The following FGF14 variants were observed in gnomAD, a reference collection of about 807,000 sequenced individuals.
FGF14 encodes the protein fibroblast growth factor 14, also known as fibroblast growth factor homologous factor 4.
A neutral mutation model predicts 25.5 loss-of-function variants in FGF14; 5 were observed. That is an observed-to-expected ratio of 0.20 (90% confidence interval 0.10 to 0.41). The LOEUF is 0.41. FGF14 is among the 10% of genes least tolerant of loss of function. The probability of loss-of-function intolerance (pLI) is 1.00; values close to 1 mark genes in which losing one functional copy is unlikely to be tolerated. For missense variants in FGF14, 222 were observed against 320.1 expected (o/e 0.69, Z 2.34); for synonymous variants, 138 against 118.3 (o/e 1.17, Z -1.08).
intron 1 of FGF14, among the ~76,000 whole-genome samples, chr13:102,187,658 T>C (rs1269284895): frequency 6.6e-6 from 1 of 152,076 alleles, no homozygotes; most frequent in African/African-American, 2.4e-5. Flanking sequence ...CCACGCACAT[T>C]TGAGGACAGA....
chr13:102,139,750 A>G (rs1370516902), intron 1 of FGF14, among the ~76,000 whole-genome samples: 3 of 149,848 alleles, frequency 2.0e-5, no homozygotes, highest in Admixed American at 1.3e-4. Context: ...AAAGACCAAG[A>G]TGTTTCTATC....
At chr13:102,058,557 T>C (rs2042537791) in intron 1 of FGF14, among the ~76,000 whole-genome samples, 1 of 152,222 alleles carries the variant, frequency 6.6e-6, no homozygotes, top group Non-Finnish European at 1.5e-5. Context: ...ATTTGCATTG[T>C]AGAGAGTAGA....
Position 102,033,584 on chromosome 13 carries a change from C to T in FGF14, c.209-158288G>A, listed in dbSNP as rs1075956. Among the ~76,000 whole-genome samples, 649 of 152,202 alleles carry T rather than the reference C, an allele frequency of 4.3e-3. 9 individuals are homozygous for T. Among genetic ancestry groups the T allele is most frequent in the Admixed American group, 0.027 (416 of 15,260 alleles). ...AAAAGGCTTATACTCTTAGGCTTGTCACCTCAGCATTACTTTCTCCTGATC... is the reference window on the plus strand; with the variant it reads ...AAAAGGCTTATACTCTTAGGCTTGTTACCTCAGCATTACTTTCTCCTGATC... On this transcript the variant is annotated intron_variant, in intron 1 of 4. Coordinates refer to the FGF14 transcript ENST00000376131.
chr13:102,020,271 G>T (rs569843994), intron 1 of FGF14, among the ~76,000 whole-genome samples: 2 of 142,846 alleles, frequency 1.4e-5, no homozygotes, highest in Non-Finnish European at 2.9e-5. Flanking sequence ...GAGAATAGGC[G>T]GGTATGGTGG....
At chr13:101,951,477 T>C (rs917232043) in intron 1 of FGF14, among the ~76,000 whole-genome samples, 4 of 152,082 alleles carry the variant, frequency 2.6e-5, no homozygotes, top group African/African-American at 4.8e-5. Context: ...AAGCAAGTCA[T>C]TGATTATATT....
chr13:101,811,037 C>A (rs999096431), intron 3 of FGF14, among the ~76,000 whole-genome samples: 1 of 135,694 alleles, frequency 7.4e-6, no homozygotes, highest in South Asian at 3.0e-4. Flanking sequence ...TATCCGCCCC[C>A]CCCGGCCCCC....
At chr13:102,090,991 T>C (rs904200483) in intron 1 of FGF14, among the ~76,000 whole-genome samples, 8 of 152,222 alleles carry the variant, frequency 5.3e-5, no homozygotes, top group Non-Finnish European at 7.3e-5. Flanking sequence ...TTAATGTCTC[T>C]TTTGCTATTC....
chr13:102,357,510 G>A (rs1032042575), intron 1 of FGF14, among the ~76,000 whole-genome samples: 2 of 152,168 alleles, frequency 1.3e-5, no homozygotes, highest in East Asian at 3.8e-4. Context: ...ACTCAATGTA[G>A]CTGTTAAAAC....
chr13:102,369,531 G>C (rs912419312), intron 1 of FGF14, among the ~76,000 whole-genome samples: 6 of 152,106 alleles, frequency 3.9e-5, no homozygotes, highest in Non-Finnish European at 8.8e-5. Flanking sequence ...TCTGGCTGCA[G>C]ACATTATCCA....
At chr13:101,859,141 G>A (rs2044279182) in intron 3 of FGF14, among the ~76,000 whole-genome samples, 2 of 152,110 alleles carry the variant, frequency 1.3e-5, no homozygotes, top group African/African-American at 4.8e-5. Flanking sequence ...CAAGTGATGT[G>A]CACAGTACAT....
intron 3 of FGF14, among the ~76,000 whole-genome samples, chr13:101,843,574 C>G (rs2043300065): frequency 2.6e-5 from 4 of 151,948 alleles, no homozygotes; most frequent in Admixed American, 2.6e-4. Context: ...ATATACTTAA[C>G]TTGAGTAGTT....
chr13:101,975,363 C>T (rs1055956751), intron 1 of FGF14, among the ~76,000 whole-genome samples: 4 of 152,140 alleles, frequency 2.6e-5, no homozygotes, highest in African/African-American at 4.8e-5. Flanking sequence ...GTGAAATTCG[C>T]TTATGCCTGA....
At chr13:102,057,610 C>A (rs557918501) in intron 1 of FGF14, among the ~76,000 whole-genome samples, 13 of 152,092 alleles carry the variant, frequency 8.5e-5, no homozygotes, top group Non-Finnish European at 1.6e-4. Context: ...ACATAGGGAG[C>A]ATGCAATAAA....
chr13:102,247,115 C>A (rs1427015977), intron 1 of FGF14, among the ~76,000 whole-genome samples: 3 of 151,966 alleles, frequency 2.0e-5, no homozygotes, highest in South Asian at 4.1e-4. Flanking sequence ...AATATAAAAT[C>A]AAAAACTATA....
intron 1 of FGF14, among the ~76,000 whole-genome samples, chr13:102,204,003 C>G (rs2049789779): frequency 6.6e-6 from 1 of 152,164 alleles, no homozygotes; most frequent in Non-Finnish European, 1.5e-5. Context: ...TATAGATGGC[C>G]AAGGTCTCCA....
At chr13:101,791,196 G>A (rs962857973) in intron 3 of FGF14, among the ~76,000 whole-genome samples, 1 of 152,206 alleles carries the variant, frequency 6.6e-6, no homozygotes, top group Non-Finnish European at 1.5e-5. Flanking sequence ...TATACTCTGC[G>A]GATGGCACTT....
At chr13:102,019,063 G>C (rs1343773540) in intron 1 of FGF14, among the ~76,000 whole-genome samples, 1 of 152,096 alleles carries the variant, frequency 6.6e-6, no homozygotes, top group Non-Finnish European at 1.5e-5. Context: ...ACTCATTGTA[G>C]ACATTTTGCA....
intron 1 of FGF14, among the ~76,000 whole-genome samples, chr13:102,285,402 G>T (rs2054045316): frequency 6.6e-6 from 1 of 152,106 alleles, no homozygotes; most frequent in Non-Finnish European, 1.5e-5. Context: ...TGAATTTCAG[G>T]AATTAGACTG....
At chr13:101,862,828 T>C (rs2044491269) in intron 3 of FGF14, among the ~76,000 whole-genome samples, 1 of 152,024 alleles carries the variant, frequency 6.6e-6, no homozygotes, top group Non-Finnish European at 1.5e-5. Flanking sequence ...CCAACTGAAC[T>C]CTAATGTGAA....
Sources: allele counts gnomAD v4.1 joint callset (sites outside exome capture counted in the v4.1 genomes callset), GRCh38; gene constraint gnomAD v4.1.1; transcripts MANE v1.5; gene names NCBI Gene and HGNC (gene_info 2026-07-23, HGNC 2026-07-21).